ZSWIM5: variants seen among roughly 807,000 people sequenced by gnomAD.
ZSWIM5 encodes zinc finger SWIM-type containing 5, also known as zinc finger SWIM domain-containing protein 5.
A neutral mutation model predicts 119.6 loss-of-function variants in ZSWIM5; 55 were observed. The observed-to-expected ratio is 0.46, with a 90% confidence interval of 0.37 to 0.58. The LOEUF (loss-of-function observed/expected upper bound fraction) is 0.58, where lower values mean the gene tolerates loss of function less well. Among genes scored for constraint, ZSWIM5 ranks in the 20% least tolerant of loss-of-function variants. The probability of loss-of-function intolerance (pLI) is 0.00; values close to 1 mark genes in which losing one functional copy is unlikely to be tolerated. For missense variants in ZSWIM5, 1,193 were observed against 1,512.8 expected, an observed-to-expected ratio of 0.79 and a Z score of 3.51; for synonymous variants, 537 against 606.9, an observed-to-expected ratio of 0.88 and a Z score of 1.69.
rs934581936 is a variant in ZSWIM5 at position 45,085,169 on chromosome 1, C to T, written c.952+2712G>A. The stretch of plus-strand genomic sequence containing the variant: ...TTATGGCTTGCACCCTCTGGAGCTG[C>T]GGCCTAAGACATATCTGGGGCCCTT... On this transcript the variant is annotated intron_variant, in intron 2 of 13. Transcript: ENST00000359600. Among the ~76,000 whole-genome samples, 9 of 152,224 alleles carry T rather than the reference C, an allele frequency of 5.9e-5. No individual in the cohort carries two copies. The South Asian group carries it at 1.0e-3, about 18-fold the overall frequency.
intron 1 of ZSWIM5, among the ~76,000 whole-genome samples, chr1:45,123,894 A>G (rs1458725862): frequency 6.6e-6 from 1 of 152,156 alleles, no homozygotes; most frequent in African/African-American, 2.4e-5. Context: ...GAGAAATAAC[A>G]CCTACAGGAG....
rs57849329 is a variant in ZSWIM5 at position 45,147,236 on chromosome 1, G to A, written c.595+58520C>T. On this transcript the variant is annotated intron_variant, in intron 1 of 13. Coordinates refer to ENST00000359600, the MANE Select transcript of ZSWIM5 (RefSeq NM_020883.2). ...CCAACAGGCATTCACCATCATGCCC[G>A]GCTAGCACTATCAACTTTTAAAAGG... is the stretch of plus-strand genomic sequence containing the variant. 9.1e-3 allele frequency among the ~76,000 whole-genome samples: 1,381 copies of A among 151,886 alleles called. 19 individuals carry two copies. The highest frequency in any genetic ancestry group is 0.03 in the African/African-American group (1,243 of 41,418).
At chr1:45,094,109 G>C (rs962701025) in intron 1 of ZSWIM5, among the ~76,000 whole-genome samples, 2 of 150,998 alleles carry the variant, frequency 1.3e-5, no homozygotes, top group African/African-American at 4.9e-5. Context: ...AGGCTGGAGT[G>C]CAGTGGCGCA....
At chr1:45,132,357 G>T (rs346693) in intron 1 of ZSWIM5, among the ~76,000 whole-genome samples, 27,680 of 151,838 alleles carry the variant, frequency 0.18, 2,759 homozygotes, top group African/African-American at 0.26. Context: ...CTGAAGTCCC[G>T]TCTAGTTCAT....
At position 45,163,849 on chromosome 1, in the gene ZSWIM5, G is replaced by A. The variant is rs552392555; in HGVS notation, c.595+41907C>T. 7.2e-5 allele frequency among the ~76,000 whole-genome samples: 11 copies of A among 152,278 alleles called. No individual in the cohort carries two copies. The East Asian group carries it at 1.2e-3, about 16-fold the overall frequency. ...AAGACCAAATCTACGTCTGATTGGC[G>A]TACCTGAAAGTGACAGGGAGAATGG... On this transcript the variant is annotated intron_variant, in intron 1 of 13. Transcript: ENST00000359600.
intron 1 of ZSWIM5, among the ~76,000 whole-genome samples, chr1:45,155,165 C>A (rs528187777): frequency 1.7e-4 from 26 of 151,910 alleles, no homozygotes; most frequent in African/African-American, 6.0e-4. Context: ...CCAGAGTCTA[C>A]GAGGAACTCA....
Position 45,088,182 on chromosome 1 carries a change from C to G in ZSWIM5, c.651G>C (p.Val217=). 6.2e-7 allele frequency: 1 copy of G among 1,613,958 alleles called. No homozygotes were observed. Among genetic ancestry groups the G allele is most frequent in the Non-Finnish European group, 8.5e-7 (1 of 1,179,892 alleles). The change falls in exon 2 of 14, where the codon GTG becomes GTC. Residue 217 remains valine (V), a synonymous_variant. Coordinates refer to ENST00000359600, the MANE Select transcript of ZSWIM5 (RefSeq NM_020883.2). This position sits in a 1 kb window ranked among gnomAD's most constrained non-coding sequence, Gnocchi z 4.2. The stretch of plus-strand genomic sequence containing the variant: ...CAAAACTGATTGCAACTTTATAAGT[C>G]ACTGCTGGTTCAGAGGCAGTGGCCA... ...TELATASEPA[V]TYKVAISFDR...
chr1:45,049,715 G>A (rs930732630), intron 5 of ZSWIM5, among the ~76,000 whole-genome samples: 4 of 152,304 alleles, frequency 2.6e-5, no homozygotes, highest in Admixed American at 6.5e-5. Context: ...TCGGGAAGCT[G>A]AGGCAGCAGA....
At chr1:45,107,027 G>A (rs1645485191) in intron 1 of ZSWIM5, among the ~76,000 whole-genome samples, 2 of 152,166 alleles carry the variant, frequency 1.3e-5, no homozygotes, top group South Asian at 4.1e-4. Context: ...TACTCGTTAA[G>A]AGTCATCACC....
intron 1 of ZSWIM5, among the ~76,000 whole-genome samples, chr1:45,167,759 TCAAAACCACAATGAGATAC>T (rs1297626299): frequency 1.3e-5 from 2 of 151,990 alleles, no homozygotes; most frequent in Non-Finnish European, 2.9e-5. Flanking sequence ...GAAATGCAAA[TCAAAACCACAATGAGATAC>T]CATCTCACAC....
At chr1:45,177,300 C>T (rs577463973) in intron 1 of ZSWIM5, among the ~76,000 whole-genome samples, 4 of 152,194 alleles carry the variant, frequency 2.6e-5, no homozygotes, top group Non-Finnish European at 2.9e-5. Flanking sequence ...CACTTCCAAT[C>T]ATTAAGAGTT....
At chr1:45,058,553 G>A (rs1481345132) in intron 4 of ZSWIM5, 56 bp downstream of exon 4, 1 of 1,602,972 alleles carries the variant, frequency 6.2e-7, no homozygotes, top group Non-Finnish European at 8.5e-7. Context: ...CATAAACACT[G>A]TTGCCACAGG....
chr1:45,114,893 T>G (rs1277918146), intron 1 of ZSWIM5, among the ~76,000 whole-genome samples: 2 of 152,332 alleles, frequency 1.3e-5, no homozygotes, highest in East Asian at 3.9e-4. Flanking sequence ...AAAGCACATC[T>G]TGCACTGCCC....
At chr1:45,126,366 G>A (rs1012769008) in intron 1 of ZSWIM5, among the ~76,000 whole-genome samples, 1 of 152,024 alleles carries the variant, frequency 6.6e-6, no homozygotes, top group African/African-American at 2.4e-5. Flanking sequence ...CAGCCCTGCA[G>A]ACTTCAAAAG....
chr1:45,166,123 T>C lies in ZSWIM5; in HGVS notation c.595+39633A>G, dbSNP rs867239568. Among the ~76,000 whole-genome samples the C allele has an allele frequency of 3.9e-5, 6 of 152,234 alleles. No homozygotes were observed. In the Middle Eastern group the frequency reaches 0.014, roughly 345 times the overall value. On this transcript the variant is annotated intron_variant, in intron 1 of 13. Transcript: ENST00000359600. ...ACATCAAAAAGCTTATCCGCCATGATCAAGTGGGCTTCATCCCTGGGATGC... is the reference window on the plus strand; with the variant it reads ...ACATCAAAAAGCTTATCCGCCATGACCAAGTGGGCTTCATCCCTGGGATGC...
chr1:45,162,902 A>G (rs1645872612), intron 1 of ZSWIM5, among the ~76,000 whole-genome samples: 1 of 152,246 alleles, frequency 6.6e-6, no homozygotes. Flanking sequence ...GGCAGGGCAT[A>G]GTTGAACAAA....
chr1:45,099,386 C>G (rs1645423679), intron 1 of ZSWIM5, among the ~76,000 whole-genome samples: 1 of 152,158 alleles, frequency 6.6e-6, no homozygotes, highest in African/African-American at 2.4e-5. Context: ...ATAACAGGCT[C>G]TGAAATTGAG....
intron 2 of ZSWIM5, among the ~76,000 whole-genome samples, chr1:45,069,253 C>G (rs1021323254): frequency 6.6e-6 from 1 of 151,860 alleles, no homozygotes; most frequent in South Asian, 2.1e-4. Context: ...GGTGACACCC[C>G]GTCTCTACTA....
intron 1 of ZSWIM5, among the ~76,000 whole-genome samples, chr1:45,198,818 C>T (rs1189533261): frequency 6.6e-6 from 1 of 152,166 alleles, no homozygotes; most frequent in Non-Finnish European, 1.5e-5. Flanking sequence ...TGCTAAGTGG[C>T]TTGTATCATT....
Sources: allele counts gnomAD v4.1 joint callset (sites outside exome capture counted in the v4.1 genomes callset), GRCh38; gene constraint gnomAD v4.1.1; non-coding constraint Gnocchi (gnomAD v3.1); transcripts MANE v1.5; gene names NCBI Gene and HGNC (gene_info 2026-07-23, HGNC 2026-07-21).